LGI2: variants seen among roughly 807,000 people sequenced by gnomAD.
LGI2 encodes the protein leucine rich repeat LGI family member 2.
Under a neutral mutation model 52.0 loss-of-function variants are expected in LGI2, and 30 were observed. The observed-to-expected ratio is 0.58, with a 90% CI of 0.43 to 0.78. The LOEUF (loss-of-function observed/expected upper bound fraction) is 0.78. LGI2 is among the 30% of genes least tolerant of loss of function. The pLI is 0.00. For synonymous variants in LGI2, 270 were observed against 271.8 expected (o/e 0.99, Z 0.06); for missense variants, 573 against 692.5 (o/e 0.83, Z 1.94).
rs1311597648 is a variant in LGI2, at chr4:25,009,713, G to A, written c.820+2622C>T. On this transcript the variant is annotated intron_variant, in intron 7 of 7. Coordinates refer to ENST00000382114, the MANE Select transcript of LGI2 (RefSeq NM_018176.4). ...TGCAGTGGCACGATCTTGGCTCACT[G>A]CAACCTCCGCCTCCCGGGTTCAAGC... Among the ~76,000 whole-genome samples, 9 of 152,186 alleles carry A rather than the reference G, an allele frequency of 5.9e-5. No individual in the cohort carries two copies. In the South Asian group the frequency reaches 1.5e-3, roughly 25 times the overall value.
chr4:25,025,318 T>C (rs11733594), intron 3 of LGI2, among the ~76,000 whole-genome samples: 37,793 of 152,168 alleles, frequency 0.25, 5,144 homozygotes, highest in Middle Eastern at 0.39. Flanking sequence ...GAGAGGGTTC[T>C]CTTGTTTTAC....
At position 25,004,374 on chromosome 4, in the gene LGI2, A is replaced by G. The variant is rs1725339706; in HGVS notation, c.821-106T>C. The G allele has an allele frequency of 5.3e-6, 5 of 950,726 alleles. No individual in the cohort carries two copies. Among genetic ancestry groups the G allele is most frequent in the Non-Finnish European group, 7.9e-6 (5 of 634,892 alleles). 58.9% of individuals were successfully genotyped at this position (950,726 alleles called of 1,614,324 possible). A position where few individuals can be genotyped will look rare whatever the true frequency, so the allele number is the denominator to read the frequency against. On this transcript the variant is annotated intron_variant, in intron 7 of 7. Transcript: ENST00000382114. The surrounding 1 kb of genome is among the most constrained non-coding windows in gnomAD (Gnocchi z 4.6). ...GGTGGGAGTGTGAAATGGCACAGCC[A>G]CTATGGAAAACAGTATGGTGGTTCC...
chr4:25,004,292 G>T lies in LGI2; in HGVS notation c.821-24C>A. ...ACCTGTGCTCCAAAATAAAGGAGAG[G>T]ACATTAGTGCAACTACAGCTAAAAA... On this transcript the variant is annotated intron_variant, in intron 7 of 7. Coordinates refer to ENST00000382114, the MANE Select transcript of LGI2 (RefSeq NM_018176.4). This position sits in a 1 kb window ranked among gnomAD's most constrained non-coding sequence, Gnocchi z 4.6. 6.3e-7 allele frequency: 1 copy of T among 1,586,804 alleles called. No individual in the cohort carries two copies. Among genetic ancestry groups the T allele is most frequent in the Non-Finnish European group, 8.6e-7 (1 of 1,167,454 alleles).
In LGI2 at chr4:25,009,336, T is replaced by G. The variant is rs111667223; in HGVS notation, c.820+2999A>C. ...CTTTGGACTTGCTGCTCCCTTTGCC[T>G]GGAATGCTCTTCCCCCCTCTCCATG... On this transcript the variant is annotated intron_variant, in intron 7 of 7. Coordinates refer to ENST00000382114, the MANE Select transcript of LGI2 (RefSeq NM_018176.4). Among the ~76,000 whole-genome samples, 669 of 152,288 alleles carry G rather than the reference T, an allele frequency of 4.4e-3. 4 individuals carry two copies. The highest frequency in any genetic ancestry group is 0.015 in the African/African-American group (632 of 41,556).
chr4:25,013,162 G>T (rs1725646370), intron 6 of LGI2, among the ~76,000 whole-genome samples: 1 of 152,172 alleles, frequency 6.6e-6, no homozygotes, highest in Non-Finnish European at 1.5e-5. Context: ...TACCCACTTA[G>T]CCTAGCACGA....
rs77248545 is a variant in LGI2 at position 25,026,018 on chromosome 4, A to C, written c.341+850T>G. 8.6e-3 allele frequency among the ~76,000 whole-genome samples: 1,311 copies of C among 152,214 alleles called. 19 individuals are homozygous for C. Among genetic ancestry groups the C allele is most frequent in the African/African-American group, 0.029 (1,191 of 41,494 alleles). On this transcript the variant is annotated intron_variant, in intron 3 of 7. Coordinates refer to ENST00000382114, the MANE Select transcript of LGI2 (RefSeq NM_018176.4). ...TAATATCAGAGTATTATGCGAATAC[A>C]CATATTATGTATACTCTGGAGAAAG...
At chr4:25,023,061 G>GTTGATA (rs1726024654) in intron 4 of LGI2, among the ~76,000 whole-genome samples, 1 of 117,092 alleles carries the variant, frequency 8.5e-6, no homozygotes, top group Non-Finnish European at 1.7e-5. Flanking sequence ...AAGGAATTAT[G>GTTGATA]TTGATGTTGA....
At position 25,000,112 on chromosome 4, in the gene LGI2, G is replaced by A. The variant is rs1348786161; in HGVS notation, c.*3339C>T. On this transcript the variant is annotated 3_prime_UTR_variant, in exon 8 of 8. Coordinates refer to ENST00000382114, the MANE Select transcript of LGI2 (RefSeq NM_018176.4). ...ATTGCATGTTTGTTAATTGTTAAAT[G>A]GACCAGTTGATTGAATGGTGTCTAT... 3.6e-6 allele frequency: 1 copy of A among 274,038 alleles called. No homozygotes were observed. The highest frequency in any genetic ancestry group is 2.3e-5 in the African/African-American group (1 of 44,106). The allele number at this position is 274,038 out of a possible 1,614,324, so 17.0% of individuals were successfully genotyped here.
chr4:25,022,577 A>C (rs1425286352), intron 4 of LGI2, among the ~76,000 whole-genome samples: 2 of 152,190 alleles, frequency 1.3e-5, no homozygotes, highest in African/African-American at 4.8e-5. Flanking sequence ...TTCTCTGTGC[A>C]TAATACCACA....
chr4:25,020,016 AAAG>A (rs145646173), intron 4 of LGI2, among the ~76,000 whole-genome samples: 2,532 of 152,290 alleles, frequency 0.017, 74 homozygotes, highest in African/African-American at 0.058. Context: ...GTGAGTGATA[AAAG>A]AAGATTTACA....
rs1725409198 is a variant in LGI2, at chr4:25,006,986, G to T, written c.821-2718C>A. Among the ~76,000 whole-genome samples the T allele has an allele frequency of 2.0e-5, 3 of 151,636 alleles. No homozygotes were observed. In the South Asian group the frequency reaches 6.2e-4, roughly 31 times the overall value. On this transcript the variant is annotated intron_variant, in intron 7 of 7. Transcript: ENST00000382114. ...ATATATTATTTAATTTTTAATCTGTGCACATATTCAAGTATTCTTTTTTTA... is the reference window on the plus strand; with the variant it reads ...ATATATTATTTAATTTTTAATCTGTTCACATATTCAAGTATTCTTTTTTTA...
chr4:25,024,702 G>A lies in LGI2; in HGVS notation c.413+118C>T, dbSNP rs1169942983. 1.4e-5 allele frequency: 9 copies of A among 647,984 alleles called. No homozygotes were observed. In the Middle Eastern group the frequency reaches 1.3e-3, roughly 92 times the overall value. 40.1% of individuals were successfully genotyped at this position (647,984 alleles called of 1,614,324 possible). On this transcript the variant is annotated intron_variant, in intron 4 of 7. Transcript: ENST00000382114. ...CTGACTGACAACATAGAAACCTCTT[G>A]AGTAATCTAGAAATTCATTTCCTTC... is the stretch of plus-strand genomic sequence containing the variant.
chr4:25,026,329 G>T (rs1284607399), intron 3 of LGI2, among the ~76,000 whole-genome samples: 2 of 151,014 alleles, frequency 1.3e-5, no homozygotes, highest in African/African-American at 4.9e-5. Context: ...ATTGCGAGGG[G>T]AGAAATCTGC....
At chr4:24,994,901 C>T (rs1367165564), downstream of LGI2, among the ~76,000 whole-genome samples, 5 of 152,160 alleles carry the variant, frequency 3.3e-5, no homozygotes, top group African/African-American at 9.7e-5. Flanking sequence ...ACCCACCAAA[C>T]GCAGCTTAGG....
At chr4:25,017,012 G>A (rs1725786025) in intron 6 of LGI2, among the ~76,000 whole-genome samples, 1 of 152,178 alleles carries the variant, frequency 6.6e-6, no homozygotes, top group African/African-American at 2.4e-5. Context: ...CCCATGTTGT[G>A]ACAGTGGAGG....
chr4:25,004,318 C>T lies in LGI2; in HGVS notation c.821-50G>A, dbSNP rs368311214. The T allele has an allele frequency of 2.9e-5, 43 of 1,497,432 alleles. No individual in the cohort carries two copies. Among genetic ancestry groups the T allele is most frequent in the Non-Finnish European group, 3.5e-5 (39 of 1,104,814 alleles). 92.8% of individuals were successfully genotyped at this position (1,497,432 alleles called of 1,614,324 possible). On this transcript the variant is annotated intron_variant, in intron 7 of 7. Transcript: ENST00000382114. The surrounding 1 kb of genome is among the most constrained non-coding windows in gnomAD (Gnocchi z 4.6). The stretch of plus-strand genomic sequence containing the variant: ...ACATTAGTGCAACTACAGCTAAAAA[C>T]GCATCTCCGCTTGTACTCTTATACA...
At position 25,001,255 on chromosome 4, in the gene LGI2, G is replaced by C. The variant is rs1437881876; in HGVS notation, c.*2196C>G. 6.6e-6 allele frequency: 1 copy of C among 152,222 alleles called. No homozygotes were observed. The highest frequency in any genetic ancestry group is 1.5e-5 in the Non-Finnish European group (1 of 68,070). 9.4% of individuals were successfully genotyped at this position (152,222 alleles called of 1,614,324 possible). On this transcript the variant is annotated 3_prime_UTR_variant, in exon 8 of 8. Coordinates refer to ENST00000382114, the MANE Select transcript of LGI2 (RefSeq NM_018176.4). ...GGTCAGTCGCTCATTTACCCTCAGAGGGGCAGCTGGGAATGTGATACCTCT... is the reference window on the plus strand; with the variant it reads ...GGTCAGTCGCTCATTTACCCTCAGACGGGCAGCTGGGAATGTGATACCTCT...
rs1333737846 is a variant in LGI2, at chr4:25,003,378, G to A, written c.*73C>T. ...AGAGCTCTGAGCCTGGCTTTGATTT[G>A]TTTGTTGATTTTTCTTGGTCCTCTT... On this transcript the variant is annotated 3_prime_UTR_variant, in exon 8 of 8. Coordinates refer to ENST00000382114, the MANE Select transcript of LGI2 (RefSeq NM_018176.4). 7.4e-6 allele frequency: 8 copies of A among 1,084,470 alleles called. No individual in the cohort carries two copies. The East Asian group carries it at 1.7e-4, about 23-fold the overall frequency. 67.2% of individuals were successfully genotyped at this position (1,084,470 alleles called of 1,614,324 possible).
At chr4:24,997,021 T>A (rs1460214891), downstream of LGI2, among the ~76,000 whole-genome samples, 1 of 151,842 alleles carries the variant, frequency 6.6e-6, no homozygotes, top group Non-Finnish European at 1.5e-5. Flanking sequence ...AAGGCAGGAG[T>A]GGGAGAAACT....
Sources: allele counts gnomAD v4.1 joint callset (sites outside exome capture counted in the v4.1 genomes callset), GRCh38; gene constraint gnomAD v4.1.1; non-coding constraint Gnocchi (gnomAD v3.1); transcripts MANE v1.5; gene names NCBI Gene and HGNC (gene_info 2026-07-23, HGNC 2026-07-21).